MED12L: variants seen among roughly 807,000 people sequenced by gnomAD.
The protein encoded by MED12L is mediator of RNA polymerase II transcription subunit 12-like protein.
MED12L carries 60 observed loss-of-function variants against 281.3 expected under a neutral mutation model. The observed-to-expected ratio is 0.21, with a 90% CI of 0.17 to 0.26. The LOEUF (loss-of-function observed/expected upper bound fraction) is 0.26. Among genes scored for constraint, MED12L ranks in the 10% least tolerant of loss-of-function variants. The pLI, the probability that MED12L is intolerant of heterozygous loss-of-function variation, is 1.00. For synonymous variants in MED12L, 974 were observed against 987.2 expected, an observed-to-expected ratio of 0.99 and a Z score of 0.25; for missense variants, 2,146 against 2,680.9, an observed-to-expected ratio of 0.80 and a Z score of 4.41.
chr3:151,322,597 C>T (rs898994366), intron 16 of MED12L, among the ~76,000 whole-genome samples: 1 of 152,142 alleles, frequency 6.6e-6, no homozygotes, highest in Non-Finnish European at 1.5e-5. Context: ...ACCCCACTTC[C>T]ACCTCAGAGT....
intron 16 of MED12L, chr3:151,199,409 TG>T (rs1451567672): frequency 6.4e-7 from 1 of 1,558,110 alleles, no homozygotes; most frequent in Non-Finnish European, 8.6e-7. Flanking sequence ...TAAGGATGAC[TG>T]CTTATTGAAA....
At chr3:151,351,679 G>T (rs777999366) in intron 17 of MED12L, among the ~76,000 whole-genome samples, 16 of 152,188 alleles carry the variant, frequency 1.1e-4, no homozygotes, top group Non-Finnish European at 2.1e-4. Context: ...TGGCAATGGG[G>T]TAGGGGGGAG....
intron 16 of MED12L, chr3:151,269,396 A>ATC (rs1169708063): frequency 1.6e-4 from 10 of 62,130 alleles, no homozygotes; most frequent in African/African-American, 1.0e-3. Flanking sequence ...GTGAAACTCC[A>ATC]TCACACACAC....
intron 5 of MED12L, among the ~76,000 whole-genome samples, chr3:151,129,363 T>A (rs1360909150): frequency 6.6e-6 from 1 of 151,992 alleles, no homozygotes; most frequent in Non-Finnish European, 1.5e-5. Flanking sequence ...AAAAAGAAAC[T>A]GTATTTTAGA....
At chr3:151,249,045 C>T (rs1031369059) in intron 16 of MED12L, 11 of 152,200 alleles carry the variant, frequency 7.2e-5, no homozygotes, top group African/African-American at 2.4e-4. Context: ...ATTGACATCT[C>T]GCCAAATGCT....
chr3:151,375,538 T>G (rs1480146239), intron 27 of MED12L, among the ~76,000 whole-genome samples: 2 of 152,170 alleles, frequency 1.3e-5, no homozygotes, highest in African/African-American at 4.8e-5. Flanking sequence ...AAAAGAGATG[T>G]GCACTACTAC....
At chr3:151,195,747 C>T (rs1724560174) in intron 16 of MED12L, among the ~76,000 whole-genome samples, 2 of 152,044 alleles carry the variant, frequency 1.3e-5, no homozygotes, top group African/African-American at 2.4e-5. Flanking sequence ...AGTAATATAC[C>T]AATGTTAACT....
intron 20 of MED12L, among the ~76,000 whole-genome samples, chr3:151,360,220 T>C (rs990299874): frequency 1.3e-5 from 2 of 152,210 alleles, no homozygotes; most frequent in Non-Finnish European, 2.9e-5. Flanking sequence ...GTACCTTCTT[T>C]ATGAAGGAAT....
In MED12L at chr3:151,388,164, A is replaced by G; in HGVS notation, c.5443A>G (p.Arg1815Gly). ...GAAGCGCAAGACGAAATCTAGCTCAAGAGTTGATGTAAGTGGGGAAAGGAA... is the reference window on the plus strand; with the variant it reads ...GAAGCGCAAGACGAAATCTAGCTCAGGAGTTGATGTAAGTGGGGAAAGGAA... ...GRKRKTKSSSRVDEYPQSNIY... is the reference protein window; with the variant it reads ...GRKRKTKSSSGVDEYPQSNIY... Residue 1815 changes from arginine (R) to glycine (G), a missense_variant, in exon 37 of 45, where the codon AGA (arginine) becomes GGA (glycine). Transcript: ENST00000687756. 1 of 1,597,056 alleles carries G rather than the reference A, an allele frequency of 6.3e-7. No homozygotes were observed. Among genetic ancestry groups the G allele is most frequent in the Non-Finnish European group, 8.5e-7 (1 of 1,176,146 alleles).
intron 27 of MED12L, among the ~76,000 whole-genome samples, chr3:151,373,628 C>A (rs1012699020): frequency 2.0e-5 from 3 of 151,888 alleles, no homozygotes; most frequent in Non-Finnish European, 4.4e-5. Flanking sequence ...TAAGGAAGAG[C>A]CTGCCCTCCT....
At chr3:151,089,873 C>T (rs923049332) in intron 2 of MED12L, among the ~76,000 whole-genome samples, 2 of 152,204 alleles carry the variant, frequency 1.3e-5, no homozygotes, top group African/African-American at 4.8e-5. Flanking sequence ...CTTGAGACCT[C>T]CTCCTTGCTT....
chr3:151,088,395 T>C (rs2148594652), intron 2 of MED12L, among the ~76,000 whole-genome samples: 1 of 152,334 alleles, frequency 6.6e-6, no homozygotes, highest in South Asian at 2.1e-4. Context: ...GGTTAAGGAC[T>C]GGAAATAATA....
chr3:151,275,040 G>A (rs896582346), intron 16 of MED12L, among the ~76,000 whole-genome samples: 1 of 152,182 alleles, frequency 6.6e-6, no homozygotes, highest in Non-Finnish European at 1.5e-5. Context: ...TCACTGGGAA[G>A]ATCACATCAG....
At position 151,127,863 on chromosome 3, in the gene MED12L, T is replaced by C. The variant is rs1201688935; in HGVS notation, c.435T>C (p.Tyr145=). The C allele has an allele frequency of 1.2e-6, 2 of 1,612,834 alleles. No homozygotes were observed. The highest frequency in any genetic ancestry group is 1.7e-6 in the Non-Finnish European group (2 of 1,178,910). ...GTAAAAAAGAGGATGTTTTTGCATA[T>C]TTAGCTAAATATTCTGTGCCAATGG... ...ILSKKEDVFA[Y]LAKYSVPMVR... is the part of the protein sequence containing the mutation. Residue 145 remains tyrosine, a synonymous_variant, in exon 5 of 45, where the codon TAT becomes TAC. Coordinates refer to ENST00000687756, the MANE Select transcript of MED12L (RefSeq NM_001393769.1).
intron 16 of MED12L, among the ~76,000 whole-genome samples, chr3:151,253,655 G>T (rs532260275): frequency 6.6e-6 from 1 of 151,884 alleles, no homozygotes; most frequent in South Asian, 2.1e-4. Context: ...TTCTTTTTTT[G>T]TGAGGGGGTG....
Position 151,292,125 on chromosome 3 carries a change from G to A in MED12L, c.2251-57934G>A, listed in dbSNP as rs1744328975. ...AACTCCAGAGTGCTGAATGGAGCCA[G>A]TTGATGCTGTTAAAGAGGTCATACA... is the stretch of plus-strand genomic sequence containing the variant. On this transcript the variant is annotated intron_variant, in intron 16 of 44. Coordinates refer to ENST00000687756, the MANE Select transcript of MED12L (RefSeq NM_001393769.1). Among the ~76,000 whole-genome samples, 5 of 152,290 alleles carry A rather than the reference G, an allele frequency of 3.3e-5. No homozygotes were observed. The South Asian group carries it at 1.0e-3, about 32-fold the overall frequency.
Position 151,398,799 on chromosome 3 carries a change from C to T in MED12L, c.5820+3932C>T, listed in dbSNP as rs150444124. ...TTGCTGAAACCACAGAGGACCAAACCTGATATGGACCATGTTTTTTCCTAT... is the reference window on the plus strand; with the variant it reads ...TTGCTGAAACCACAGAGGACCAAACTTGATATGGACCATGTTTTTTCCTAT... On this transcript the variant is annotated intron_variant, in intron 39 of 44. Transcript: ENST00000687756. Among the ~76,000 whole-genome samples, 582 of 152,204 alleles carry T rather than the reference C, an allele frequency of 3.8e-3. 3 individuals carry two copies. The highest frequency in any genetic ancestry group is 7.0e-3 in the Non-Finnish European group (475 of 68,000).
chr3:151,140,492 A>C (rs904776435), intron 5 of MED12L, among the ~76,000 whole-genome samples: 2 of 152,198 alleles, frequency 1.3e-5, no homozygotes, highest in African/African-American at 2.4e-5. Context: ...AATATGCTGC[A>C]CTGTAACTCT....
At chr3:151,256,301 C>G (rs1017119884) in intron 16 of MED12L, among the ~76,000 whole-genome samples, 20 of 152,292 alleles carry the variant, frequency 1.3e-4, no homozygotes, top group African/African-American at 4.8e-4. Flanking sequence ...ATGGGGCACA[C>G]ATGATGGAGT....
Sources: allele counts gnomAD v4.1 joint callset (sites outside exome capture counted in the v4.1 genomes callset), GRCh38; gene constraint gnomAD v4.1.1; transcripts MANE v1.5; gene names NCBI Gene and HGNC (gene_info 2026-07-23, HGNC 2026-07-21).